Variants in PLOD2 observed in about 807,000 individuals in gnomAD.
PLOD2 encodes the protein lysine hydroxylase 2.
A neutral mutation model predicts 101.0 loss-of-function variants in PLOD2; 65 were observed. The ratio of observed to expected loss-of-function variants is 0.64; its 90% CI spans 0.53 to 0.79. PLOD2 has a LOEUF of 0.79. Among genes scored for constraint, PLOD2 ranks in the 30% least tolerant of loss-of-function variants. The pLI, the probability that PLOD2 is intolerant of heterozygous loss-of-function variation, is 0.00. For missense variants in PLOD2, 909 were observed against 914.6 expected (o/e 0.99, Z 0.08); for synonymous variants, 314 against 302.9 (o/e 1.04, Z -0.38).
intron 3 of PLOD2, among the ~76,000 whole-genome samples, chr3:146,114,944 CT>C (rs1937833496): frequency 6.6e-6 from 1 of 152,202 alleles, no homozygotes; most frequent in South Asian, 2.1e-4. Flanking sequence ...ATTGACTACA[CT>C]GAGAAGAATT....
At chr3:146,119,577 T>C (rs1477504551) in intron 3 of PLOD2, among the ~76,000 whole-genome samples, 1 of 151,936 alleles carries the variant, frequency 6.6e-6, no homozygotes, top group East Asian at 1.9e-4. Flanking sequence ...TATCTCCTAA[T>C]GCTATCCCTC....
rs114645517 is a variant in PLOD2 at position 146,160,574 on chromosome 3, G to A, written c.109+307C>T. Among the ~76,000 whole-genome samples, 1,504 of 152,278 alleles carry A rather than the reference G, an allele frequency of 9.9e-3. 32 individuals carry two copies. The highest frequency in any genetic ancestry group is 0.034 in the African/African-American group (1,421 of 41,548). On this transcript the variant is annotated intron_variant, in intron 1 of 19. Transcript: ENST00000282903. ...TCGGAAAGGAGGGGAAAGGAGAGCT[G>A]CAGGAAAGGTGTTGGTGCCCATGAC...
At chr3:146,157,909 C>A (rs972849869) in intron 1 of PLOD2, among the ~76,000 whole-genome samples, 1 of 152,224 alleles carries the variant, frequency 6.6e-6, no homozygotes, top group African/African-American at 2.4e-5. Context: ...TAGATAGGGA[C>A]AAACCTTTCC....
chr3:146,079,703 T>C (rs571206913), intron 12 of PLOD2, among the ~76,000 whole-genome samples: 3 of 152,108 alleles, frequency 2.0e-5, no homozygotes, highest in Admixed American at 6.6e-5. Context: ...TAATTTCACA[T>C]TGGAAACTTG....
At position 146,104,355 on chromosome 3, in the gene PLOD2, A is replaced by T. The variant is rs149019740; in HGVS notation, c.616-13T>A. On this transcript the variant is annotated splice_polypyrimidine_tract_variant and intron_variant, in intron 5 of 19. Transcript: ENST00000282903. ...TGTTAATAGCTTCCTAAAACATAAG[A>T]ATAGAAATGATATTGAAAATGACAA... The T allele has an allele frequency of 2.9e-4, 395 of 1,339,536 alleles. 3 individuals are homozygous for T. The East Asian group carries it at 9.0e-3, about 30-fold the overall frequency. The allele number at this position is 1,339,536 out of a possible 1,614,324, so 83.0% of individuals were successfully genotyped here. A position where few individuals can be genotyped will look rare whatever the true frequency, so the allele number is the denominator to read the frequency against.
At chr3:146,112,849 C>CA (rs201790733) in intron 3 of PLOD2, among the ~76,000 whole-genome samples, 36 of 92,072 alleles carry the variant, frequency 3.9e-4, no homozygotes, top group African/African-American at 1.1e-3. Flanking sequence ...GACTTGGTCT[C>CA]AAAAAAAAAA....
In PLOD2 at chr3:146,081,735, T is replaced by C; in HGVS notation, c.1358+3A>G. ...CATTAAAATATTAAACCAAGTAACT[T>C]ACACTCTATTCCCTTGAACAATATC... On this transcript the variant is annotated splice_donor_region_variant and intron_variant, in intron 12 of 19. Coordinates refer to ENST00000282903, the MANE Select transcript of PLOD2 (RefSeq NM_182943.3). 6.2e-7 allele frequency: 1 copy of C among 1,603,126 alleles called. No individual in the cohort carries two copies. Among genetic ancestry groups the C allele is most frequent in the Non-Finnish European group, 8.5e-7 (1 of 1,170,426 alleles).
chr3:146,076,953 T>C (rs1276062574), intron 14 of PLOD2, 58 bp from the exon 15 acceptor site: 3 of 1,370,692 alleles, frequency 2.2e-6, no homozygotes, highest in African/African-American at 3.0e-5. Context: ...GTAAATTTAA[T>C]CATAGGAAAA....
chr3:146,143,563 T>C (rs1042329920), intron 1 of PLOD2, among the ~76,000 whole-genome samples: 2 of 152,046 alleles, frequency 1.3e-5, no homozygotes, highest in Non-Finnish European at 2.9e-5. Flanking sequence ...TCTTAAAGAA[T>C]TTCCCTGTAT....
chr3:146,074,518 T>C lies in PLOD2; in HGVS notation c.1678-1166A>G, dbSNP rs538949085. Reference sequence around the variant, plus strand: ...GGAGGAAACAAAGGTATCTTCAAAATTTTAATAAATTTCATGTTTATATAG... The same window carrying C: ...GGAGGAAACAAAGGTATCTTCAAAACTTTAATAAATTTCATGTTTATATAG... On this transcript the variant is annotated intron_variant, in intron 15 of 19. Transcript: ENST00000282903. Among the ~76,000 whole-genome samples the C allele has an allele frequency of 2.6e-5, 4 of 151,588 alleles. No individual in the cohort carries two copies. The South Asian group carries it at 8.3e-4, about 31-fold the overall frequency.
chr3:146,152,249 G>A (rs73148987), intron 1 of PLOD2, among the ~76,000 whole-genome samples: 458 of 152,048 alleles, frequency 3.0e-3, no homozygotes, highest in Non-Finnish European at 5.3e-3. Flanking sequence ...TGAAACCCCC[G>A]TTTCTACTAA....
chr3:146,126,367 T>C (rs1209510237), intron 1 of PLOD2, among the ~76,000 whole-genome samples: 1 of 152,096 alleles, frequency 6.6e-6, no homozygotes, highest in Non-Finnish European at 1.5e-5. Flanking sequence ...AAAAATAGTG[T>C]TGACATGTAT....
chr3:146,133,335 T>G (rs2031035734), intron 1 of PLOD2, among the ~76,000 whole-genome samples: 1 of 152,180 alleles, frequency 6.6e-6, no homozygotes, highest in Non-Finnish European at 1.5e-5. Context: ...TAAATTTACA[T>G]TCTCACAATC....
chr3:146,100,972 G>T (rs1276012956), intron 7 of PLOD2, among the ~76,000 whole-genome samples: 3 of 152,164 alleles, frequency 2.0e-5, no homozygotes, highest in African/African-American at 7.2e-5. Context: ...AGTTGCTATG[G>T]CCACTGAGAA....
chr3:146,142,497 T>C (rs1444140114), intron 1 of PLOD2, among the ~76,000 whole-genome samples: 1 of 152,044 alleles, frequency 6.6e-6, no homozygotes, highest in Non-Finnish European at 1.5e-5. Flanking sequence ...ATAGAAAAGT[T>C]ATCAGGGATC....
rs1026182365 is a variant in PLOD2 at position 146,081,882 on chromosome 3, T to A, written c.1233-19A>T. On this transcript the variant is annotated intron_variant, in intron 11 of 19. Transcript: ENST00000282903. ...GATCTTTCTAAAGACAGAGAGAGTG[T>A]GTGTGAGAGAGAGAAACCTATATAA... 2 of 1,606,594 alleles carry A rather than the reference T, an allele frequency of 1.2e-6. No individual in the cohort carries two copies. The highest frequency in any genetic ancestry group is 2.2e-5 in the South Asian group (2 of 90,596).
At chr3:146,120,327 T>C (rs1363689810) in intron 3 of PLOD2, among the ~76,000 whole-genome samples, 2 of 152,180 alleles carry the variant, frequency 1.3e-5, no homozygotes, top group African/African-American at 4.8e-5. Flanking sequence ...GAGTTCATTG[T>C]AGATTCTGGA....
At chr3:146,134,666 A>G (rs2031124077) in intron 1 of PLOD2, among the ~76,000 whole-genome samples, 1 of 152,234 alleles carries the variant, frequency 6.6e-6, no homozygotes, top group African/African-American at 2.4e-5. Flanking sequence ...AATATTTTCA[A>G]TGCTTATATG....
chr3:146,073,416 C>CAT (rs1936222160), intron 15 of PLOD2, 64 bp from the exon 16 acceptor site: 1 of 606,002 alleles, frequency 1.7e-6, no homozygotes, highest in South Asian at 2.2e-5. Flanking sequence ...AAGTATAAAG[C>CAT]ATATGCATTT....
Sources: gnomAD v4.1 joint callset for allele counts (sites outside exome capture counted in the v4.1 genomes callset) on GRCh38, gnomAD v4.1.1 for gene constraint, MANE v1.5 for transcripts, NCBI Gene and HGNC (gene_info 2026-07-23, HGNC 2026-07-21) for gene names.